OSBPL8: variants seen among roughly 807,000 people sequenced by gnomAD.
OSBPL8 encodes oxysterol-binding protein-related protein 8.
OSBPL8 carries 59 observed loss-of-function variants against 125.5 expected under a neutral mutation model. That is an observed-to-expected ratio of 0.47 (90% CI 0.38 to 0.58). The LOEUF is 0.58. Among genes scored for constraint, OSBPL8 ranks in the 20% least tolerant of loss-of-function variants. The probability of loss-of-function intolerance (pLI) is 0.00; values close to 1 mark genes in which losing one functional copy is unlikely to be tolerated. For synonymous variants in OSBPL8, 330 were observed against 338.9 expected (o/e 0.97, Z 0.29); for missense variants, 758 against 1,047.8 (o/e 0.72, Z 3.82).
intron 7 of OSBPL8, 151 bp from the exon 8 acceptor site, chr12:76,398,048 A>G: frequency 1.4e-6 from 1 of 696,056 alleles, no homozygotes; most frequent in Admixed American, 3.0e-5. Flanking sequence ...AAGCACAGCA[A>G]ACAGACATGA....
chr12:76,545,691 C>A (rs1950764614), intron 1 of OSBPL8, among the ~76,000 whole-genome samples: 1 of 152,112 alleles, frequency 6.6e-6, no homozygotes, highest in East Asian at 1.9e-4. Flanking sequence ...TATAAATTAC[C>A]ACAACCAGAG....
chr12:76,414,357 TTA>T (rs1426442650), intron 4 of OSBPL8, among the ~76,000 whole-genome samples: 4 of 151,448 alleles, frequency 2.6e-5, no homozygotes, highest in Non-Finnish European at 5.9e-5. Context: ...TGATATATTT[TTA>T]TATGTGTATT....
intron 4 of OSBPL8, chr12:76,423,205 C>T (rs1869721564): frequency 6.6e-6 from 1 of 152,230 alleles, no homozygotes; most frequent in African/African-American, 2.4e-5. Context: ...CTTGCCTCAG[C>T]CATGATTAAA....
intron 4 of OSBPL8, among the ~76,000 whole-genome samples, chr12:76,428,592 G>C (rs749640062): frequency 6.6e-6 from 1 of 152,014 alleles, no homozygotes; most frequent in Non-Finnish European, 1.5e-5. Context: ...GGCTTTAAGA[G>C]ATTTTAAAAT....
chr12:76,353,931 T>C lies in OSBPL8; in HGVS notation c.*1958A>G, dbSNP rs375418212. ...CAAATAAAATATTATTTGGACCAAA[T>C]GAAAACAACATACACGTGGATAAGA... On this transcript the variant is annotated 3_prime_UTR_variant, in exon 24 of 24. Coordinates refer to ENST00000261183, the MANE Select transcript of OSBPL8 (RefSeq NM_020841.5). The C allele has an allele frequency of 9.2e-5, 14 of 152,334 alleles. No individual in the cohort carries two copies. Among genetic ancestry groups the C allele is most frequent in the East Asian group, 3.8e-4 (2 of 5,198 alleles). 9.4% of individuals were successfully genotyped at this position (152,334 alleles called of 1,614,324 possible). A position where few individuals can be genotyped will look rare whatever the true frequency, so the allele number is the denominator to read the frequency against.
intron 21 of OSBPL8, 88 bp downstream of exon 21, chr12:76,369,125 AT>A: frequency 6.9e-7 from 1 of 1,446,936 alleles, no homozygotes; most frequent in Non-Finnish European, 9.0e-7. Context: ...AAAATTTTAA[AT>A]TTTGAAACCA....
intron 4 of OSBPL8, among the ~76,000 whole-genome samples, chr12:76,412,261 T>C (rs147328786): frequency 1.3e-5 from 2 of 152,200 alleles, no homozygotes; most frequent in African/African-American, 4.8e-5. Flanking sequence ...ATGATTCTAT[T>C]TACAAACAAT....
In OSBPL8 at chr12:76,433,145, A is replaced by T. The variant is rs1592673631; in HGVS notation, c.217+17706T>A. ...AATAAGCAATAGAGAAAAGCCAAAA[A>T]CACTTTCTCTAAGATCCAGAACAAG... On this transcript the variant is annotated intron_variant, in intron 4 of 23. Coordinates refer to ENST00000261183, the MANE Select transcript of OSBPL8 (RefSeq NM_020841.5). Among the ~76,000 whole-genome samples the T allele has an allele frequency of 1.3e-5, 2 of 152,328 alleles. 1 individual carries two copies. Among genetic ancestry groups the T allele is most frequent in the South Asian group, 4.1e-4 (2 of 4,828 alleles).
chr12:76,487,217 A>G (rs1170036820), intron 2 of OSBPL8, among the ~76,000 whole-genome samples: 2 of 151,622 alleles, frequency 1.3e-5, no homozygotes, highest in African/African-American at 2.4e-5. Context: ...TTTAATAGAG[A>G]CAGGGTTTCG....
chr12:76,446,397 A>T (rs549244200), intron 4 of OSBPL8, among the ~76,000 whole-genome samples: 6 of 152,328 alleles, frequency 3.9e-5, no homozygotes, highest in Admixed American at 3.9e-4. Context: ...AACCAGAGGA[A>T]GGTATTTTGC....
At chr12:76,453,000 A>AT (rs77723812) in intron 3 of OSBPL8, among the ~76,000 whole-genome samples, 10,573 of 143,586 alleles carry the variant, frequency 0.074, 487 homozygotes, top group Middle Eastern at 0.15. Flanking sequence ...ACAATTTGGC[A>AT]TTTTTTTTTT....
chr12:76,432,478 C>T (rs1020215406), intron 4 of OSBPL8, among the ~76,000 whole-genome samples: 2 of 151,916 alleles, frequency 1.3e-5, no homozygotes, highest in East Asian at 3.9e-4. Flanking sequence ...CTACCTGGGA[C>T]GTTGAAACAG....
intron 4 of OSBPL8, among the ~76,000 whole-genome samples, chr12:76,426,224 G>A (rs1870131580): frequency 6.6e-6 from 1 of 152,172 alleles, no homozygotes; most frequent in Non-Finnish European, 1.5e-5. Flanking sequence ...GTTCAAATAA[G>A]GCAGAAGCCC....
At chr12:76,359,730 A>T (rs908776403) in intron 21 of OSBPL8, among the ~76,000 whole-genome samples, 1 of 152,224 alleles carries the variant, frequency 6.6e-6, no homozygotes, top group African/African-American at 2.4e-5. Context: ...AATGAGGAAG[A>T]TGCAAAAGTG....
chr12:76,375,721 G>T (rs371315480), intron 16 of OSBPL8, among the ~76,000 whole-genome samples: 14 of 147,878 alleles, frequency 9.5e-5, no homozygotes, highest in East Asian at 4.1e-4. Context: ...AACACTCTTG[G>T]TTCAGCTCCC....
chr12:76,548,967 T>C (rs999528231), intron 1 of OSBPL8, among the ~76,000 whole-genome samples: 26 of 152,124 alleles, frequency 1.7e-4, no homozygotes, highest in African/African-American at 6.3e-4. Context: ...ACAAGGTATC[T>C]TTAAAAAAAT....
At chr12:76,396,718 C>T (rs1215176449) in intron 8 of OSBPL8, among the ~76,000 whole-genome samples, 2 of 152,146 alleles carry the variant, frequency 1.3e-5, no homozygotes, top group Non-Finnish European at 2.9e-5. Context: ...CATGCCACTG[C>T]AGTCCAGCCT....
At chr12:76,360,351 A>G (rs1952149946) in intron 21 of OSBPL8, among the ~76,000 whole-genome samples, 1 of 152,360 alleles carries the variant, frequency 6.6e-6, no homozygotes, top group East Asian at 1.9e-4. Context: ...TATCCAGATC[A>G]TGCTGATGCA....
At chr12:76,517,702 G>A (rs1041785502) in intron 1 of OSBPL8, among the ~76,000 whole-genome samples, 6 of 152,156 alleles carry the variant, frequency 3.9e-5, no homozygotes. Context: ...CAGAAGCATG[G>A]CTCTGGCATC....
Sources: allele counts gnomAD v4.1 joint callset (sites outside exome capture counted in the v4.1 genomes callset), GRCh38; gene constraint gnomAD v4.1.1; transcripts MANE v1.5; gene names NCBI Gene and HGNC (gene_info 2026-07-23, HGNC 2026-07-21).